SSBP2: variants seen among roughly 807,000 people sequenced by gnomAD.
SSBP2 encodes single stranded DNA binding protein 2.
Under a neutral mutation model 61.8 loss-of-function variants are expected in SSBP2, and 17 were observed. The ratio of observed to expected loss-of-function variants is 0.28; its 90% CI spans 0.19 to 0.41. The LOEUF is 0.41. SSBP2 is among the 10% of genes least tolerant of loss of function. The pLI, the probability that SSBP2 is intolerant of heterozygous loss-of-function variation, is 1.00. For missense variants in SSBP2, 310 were observed against 458.7 expected (o/e 0.68, Z 2.96); for synonymous variants, 139 against 141.3 (o/e 0.98, Z 0.12).
intron 4 of SSBP2, among the ~76,000 whole-genome samples, chr5:81,592,935 T>C: frequency 6.6e-6 from 1 of 151,926 alleles, no homozygotes; most frequent in Non-Finnish European, 1.5e-5. Flanking sequence ...TCAGAGCGCC[T>C]CTCCTCCTCC....
intron 10 of SSBP2, among the ~76,000 whole-genome samples, chr5:81,459,352 G>A (rs961042600): frequency 6.6e-6 from 1 of 152,160 alleles, no homozygotes. Context: ...CTCAAACCCT[G>A]TCCACCTTCC....
intron 4 of SSBP2, among the ~76,000 whole-genome samples, chr5:81,603,071 T>C (rs971289062): frequency 2.0e-5 from 3 of 152,222 alleles, no homozygotes; most frequent in Non-Finnish European, 4.4e-5. Flanking sequence ...CCTATTGCTG[T>C]GTAACAGACC....
chr5:81,564,369 A>C (rs1773275525), intron 4 of SSBP2, among the ~76,000 whole-genome samples: 1 of 152,240 alleles, frequency 6.6e-6, no homozygotes, highest in Admixed American at 6.5e-5. Flanking sequence ...GAGGTGCTGT[A>C]AAAGAAGCCA....
intron 2 of SSBP2, among the ~76,000 whole-genome samples, chr5:81,641,303 A>T (rs1748760898): frequency 6.6e-6 from 1 of 152,220 alleles, no homozygotes; most frequent in Non-Finnish European, 1.5e-5. Flanking sequence ...GCCTGAGGTA[A>T]TACATTTGTA....
chr5:81,645,794 G>A (rs1215247251), intron 2 of SSBP2, among the ~76,000 whole-genome samples: 2 of 151,408 alleles, frequency 1.3e-5, no homozygotes, highest in African/African-American at 4.9e-5. Context: ...TTTCCCCTTG[G>A]GAGTAAAAAA....
At position 81,624,080 on chromosome 5, in the gene SSBP2, A is replaced by G. The variant is rs77970688; in HGVS notation, c.198-8523T>C. On this transcript the variant is annotated intron_variant, in intron 3 of 16. Transcript: ENST00000320672. ...TCCATACATTTACAATGTCTATTCT[A>G]TCATTCTAAAGATCAGTAAATCTTC... Among the ~76,000 whole-genome samples the G allele has an allele frequency of 8.2e-3, 1,246 of 152,290 alleles. 12 individuals carry two copies. The highest frequency in any genetic ancestry group is 0.028 in the African/African-American group (1,169 of 41,574).
chr5:81,639,857 C>T (rs1748613861), intron 2 of SSBP2, among the ~76,000 whole-genome samples: 1 of 152,130 alleles, frequency 6.6e-6, no homozygotes, highest in Admixed American at 6.5e-5. Flanking sequence ...AGTTTTAAAA[C>T]AGGAACTCAG....
chr5:81,496,172 T>G (rs1767259404), intron 5 of SSBP2, among the ~76,000 whole-genome samples: 1 of 152,150 alleles, frequency 6.6e-6, no homozygotes, highest in East Asian at 1.9e-4. Context: ...TTTGAAAACC[T>G]AGAAGTTTTA....
intron 4 of SSBP2, among the ~76,000 whole-genome samples, chr5:81,556,829 A>G (rs1275110574): frequency 6.6e-6 from 1 of 152,178 alleles, no homozygotes; most frequent in South Asian, 2.1e-4. Flanking sequence ...TCTATACCTC[A>G]TTTTTTCATT....
chr5:81,532,974 ATAG>A (rs1237027305), intron 4 of SSBP2, among the ~76,000 whole-genome samples: 1 of 152,010 alleles, frequency 6.6e-6, no homozygotes, highest in African/African-American at 2.4e-5. Flanking sequence ...TCAACAACCG[ATAG>A]TAGACAGAAA....
At chr5:81,526,989 A>G (rs1769994027) in intron 4 of SSBP2, among the ~76,000 whole-genome samples, 2 of 152,014 alleles carry the variant, frequency 1.3e-5, no homozygotes, top group Admixed American at 6.6e-5. Flanking sequence ...CAAAGAAAGA[A>G]AAAGTAACGC....
chr5:81,674,963 C>T (rs779831742), intron 1 of SSBP2, among the ~76,000 whole-genome samples: 5 of 152,150 alleles, frequency 3.3e-5, no homozygotes, highest in Non-Finnish European at 5.9e-5. Flanking sequence ...GAATAGATTG[C>T]AGATCAAAGT....
chr5:81,751,467 T>TC (rs1367500436), upstream of SSBP2, among the ~76,000 whole-genome samples: 1 of 152,030 alleles, frequency 6.6e-6, no homozygotes, highest in Non-Finnish European at 1.5e-5. Flanking sequence ...GCTCAGCTCC[T>TC]CACTGGAGAG....
chr5:81,704,731 G>A (rs1754240557), intron 1 of SSBP2, among the ~76,000 whole-genome samples: 1 of 142,942 alleles, frequency 7.0e-6, no homozygotes, highest in Admixed American at 7.3e-5. Flanking sequence ...AGGAGGCGGA[G>A]GTTGCAGTGA....
At chr5:81,737,920 C>T (rs1756734787) in intron 1 of SSBP2, among the ~76,000 whole-genome samples, 1 of 152,050 alleles carries the variant, frequency 6.6e-6, no homozygotes, top group Non-Finnish European at 1.5e-5. Context: ...GTCCTTTATG[C>T]GTTTCCCTCA....
At chr5:81,700,600 C>G (rs1374259463) in intron 1 of SSBP2, among the ~76,000 whole-genome samples, 1 of 152,218 alleles carries the variant, frequency 6.6e-6, no homozygotes, top group Non-Finnish European at 1.5e-5. Context: ...ATGGCATATT[C>G]TTCTAATAGA....
chr5:81,727,215 T>C (rs927145824), intron 1 of SSBP2, among the ~76,000 whole-genome samples: 2 of 152,198 alleles, frequency 1.3e-5, no homozygotes, highest in Non-Finnish European at 1.5e-5. Context: ...AAGTAGAATA[T>C]ACTACTAACT....
chr5:81,691,181 C>A (rs1043370753), intron 1 of SSBP2, among the ~76,000 whole-genome samples: 2 of 151,638 alleles, frequency 1.3e-5, no homozygotes, highest in African/African-American at 4.8e-5. Context: ...CAAGAGCAAA[C>A]AAAGCCCAAA....
intron 6 of SSBP2, among the ~76,000 whole-genome samples, chr5:81,486,725 C>A (rs1250171539): frequency 6.6e-6 from 1 of 152,070 alleles, no homozygotes; most frequent in Non-Finnish European, 1.5e-5. Flanking sequence ...ATGTTGTAAC[C>A]CTTGGCATCT....
Sources: gnomAD v4.1 joint callset for allele counts (sites outside exome capture counted in the v4.1 genomes callset) on GRCh38, gnomAD v4.1.1 for gene constraint, MANE v1.5 for transcripts, NCBI Gene and HGNC (gene_info 2026-07-23, HGNC 2026-07-21) for gene names.